The following FREM1 variants were observed in gnomAD, a reference collection of about 807,000 sequenced individuals.
The protein encoded by FREM1 is FRAS1-related extracellular matrix protein 1.
Under a neutral mutation model 210.1 loss-of-function variants are expected in FREM1, and 220 were observed. The observed-to-expected ratio is 1.05, with a 90% CI of 0.94 to 1.17. The LOEUF (loss-of-function observed/expected upper bound fraction) is 1.17. Ranked by LOEUF, FREM1 falls within the 50% of genes most tolerant of loss-of-function variation. The pLI, the probability that FREM1 is intolerant of heterozygous loss-of-function variation, is 0.00. For missense variants in FREM1, 3,454 were observed against 2,675.5 expected (o/e 1.29, Z -6.42); for synonymous variants, 1,189 against 980.2 (o/e 1.21, Z -3.98).
intron 10 of FREM1, 56 bp from the exon 11 acceptor site, chr9:14,825,048 A>T (rs954257577): frequency 8.4e-7 from 1 of 1,184,002 alleles, no homozygotes; most frequent in South Asian, 1.5e-5. Flanking sequence ...CAACAAAGAA[A>T]ATGCCCCACA....
chr9:14,742,408 G>A (rs866950850), intron 35 of FREM1, among the ~76,000 whole-genome samples: 1 of 152,136 alleles, frequency 6.6e-6, no homozygotes, highest in Non-Finnish European at 1.5e-5. Flanking sequence ...CTGAGGAAAT[G>A]AGCAGATGAG....
chr9:14,747,868 T>G (rs757680975), intron 31 of FREM1, 140 bp from the exon 32 acceptor site: 11 of 511,676 alleles, frequency 2.1e-5, no homozygotes, highest in Admixed American at 3.8e-5. Context: ...CACGCCCAAA[T>G]CATTGGAATT....
Position 14,868,890 on chromosome 9 carries a change from G to T in FREM1, c.88C>A (p.Arg30Ser). ...WASPTFISIN[R>S]GVRVMKGHSA... ...TGGCCCTTCATCACCCTCACCCCGC[G>T]GTTGATGCTGATGAAGGTGGGGCTG... The change falls in exon 2 of 37, where the codon CGC becomes AGC. Residue 30 changes from arginine (R) to serine (S), a missense_variant. Arg to Ser is a moderately radical substitution (Grantham distance 110). Transcript: ENST00000380880. The T allele has an allele frequency of 6.2e-7, 1 of 1,606,832 alleles. No homozygotes were observed. The highest frequency in any genetic ancestry group is 8.5e-7 in the Non-Finnish European group (1 of 1,176,802).
At position 14,755,086 on chromosome 9, in the gene FREM1, G is replaced by T. The variant is rs114172975; in HGVS notation, c.5407+1288C>A. Among the ~76,000 whole-genome samples, 1,078 of 152,286 alleles carry T rather than the reference G, an allele frequency of 7.1e-3. 16 individuals carry two copies. Among genetic ancestry groups the T allele is most frequent in the African/African-American group, 0.024 (1,016 of 41,572 alleles). On this transcript the variant is annotated intron_variant, in intron 29 of 36. Transcript: ENST00000380880. ...CACCGGAAGCATGGAAGAGAGGCAT[G>T]GAATCGATTCAGAAGTAATCCTTCA...
intron 35 of FREM1, among the ~76,000 whole-genome samples, chr9:14,742,901 G>C (rs1454269833): frequency 6.6e-6 from 1 of 152,064 alleles, no homozygotes; most frequent in African/African-American, 2.4e-5. Context: ...GTTTTAGAGA[G>C]TATAAGGATG....
intron 26 of FREM1, 67 bp from the exon 27 acceptor site, chr9:14,769,935 T>C: frequency 2.6e-6 from 2 of 761,206 alleles, no homozygotes; most frequent in Non-Finnish European, 4.1e-6. Flanking sequence ...CTAATAAAAT[T>C]GTATGGCTAT....
At chr9:14,831,886 C>T (rs943051159) in intron 10 of FREM1, among the ~76,000 whole-genome samples, 1 of 152,200 alleles carries the variant, frequency 6.6e-6, no homozygotes, top group African/African-American at 2.4e-5. Flanking sequence ...ATGTGCGGCA[C>T]ATTTAAGCGG....
chr9:14,757,212 T>C (rs924626290), intron 28 of FREM1, among the ~76,000 whole-genome samples: 2 of 152,242 alleles, frequency 1.3e-5, no homozygotes, highest in Admixed American at 6.5e-5. Flanking sequence ...TTTAGCGCTC[T>C]GAAGTCATGG....
intron 20 of FREM1, among the ~76,000 whole-genome samples, chr9:14,799,219 C>T (rs190810956): frequency 6.6e-6 from 1 of 151,568 alleles, no homozygotes; most frequent in East Asian, 2.0e-4. Context: ...CCTGGAAGTC[C>T]AGGCTGGAGT....
At chr9:14,833,850 T>C (rs763020211) in intron 10 of FREM1, among the ~76,000 whole-genome samples, 1 of 152,206 alleles carries the variant, frequency 6.6e-6, no homozygotes, top group African/African-American at 2.4e-5. Flanking sequence ...CCACTCTTAA[T>C]GCATGCCTGA....
At chr9:14,833,120 G>A (rs1347808724) in intron 10 of FREM1, among the ~76,000 whole-genome samples, 1 of 152,064 alleles carries the variant, frequency 6.6e-6, no homozygotes, top group Non-Finnish European at 1.5e-5. Context: ...CCTGGGTAAG[G>A]GCCACAAAAT....
At chr9:14,748,329 T>C (rs1227482250) in intron 31 of FREM1, 72 bp downstream of exon 31, 1 of 865,946 alleles carries the variant, frequency 1.2e-6, no homozygotes, top group African/African-American at 1.7e-5. Flanking sequence ...TGTTTCAGAA[T>C]ACTTATTAAT....
At chr9:14,784,332 T>A in intron 24 of FREM1, 38 bp downstream of exon 24, 2 of 1,589,366 alleles carry the variant, frequency 1.3e-6, no homozygotes, top group Non-Finnish European at 1.7e-6. Context: ...TAAGTATTAA[T>A]CCAAAGAAGG....
At chr9:14,861,740 CA>C (rs1319828764) in intron 3 of FREM1, among the ~76,000 whole-genome samples, 2 of 152,008 alleles carry the variant, frequency 1.3e-5, no homozygotes, top group Non-Finnish European at 2.9e-5. Flanking sequence ...CTCCTGACCT[CA>C]GGTGATCTGC....
At chr9:14,788,129 C>T (rs1375097736) in intron 23 of FREM1, among the ~76,000 whole-genome samples, 6 of 152,138 alleles carry the variant, frequency 3.9e-5, no homozygotes, top group African/African-American at 7.2e-5. Context: ...GTCAATCAAG[C>T]ATGTACTGAG....
chr9:14,766,291 T>C (rs1055468205), intron 27 of FREM1, among the ~76,000 whole-genome samples: 1 of 152,178 alleles, frequency 6.6e-6, no homozygotes, highest in Non-Finnish European at 1.5e-5. Context: ...ATCAGCATTA[T>C]AAAATAATTT....
chr9:14,898,936 C>T (rs989468665), intron 1 of FREM1, among the ~76,000 whole-genome samples: 2 of 152,086 alleles, frequency 1.3e-5, no homozygotes, highest in Non-Finnish European at 2.9e-5. Context: ...CTCAATTTTT[C>T]TATAAACCTA....
intron 13 of FREM1, among the ~76,000 whole-genome samples, chr9:14,819,649 C>T (rs1326523358): frequency 6.6e-6 from 1 of 152,114 alleles, no homozygotes; most frequent in African/African-American, 2.4e-5. Flanking sequence ...TAATGTGTTA[C>T]AAGGAAACAA....
At chr9:14,778,735 G>A (rs1849128199) in intron 24 of FREM1, among the ~76,000 whole-genome samples, 1 of 143,280 alleles carries the variant, frequency 7.0e-6, no homozygotes, top group African/African-American at 2.6e-5. Flanking sequence ...GAAGGGAAGG[G>A]AAGGGAAGGG....
Sources: allele counts gnomAD v4.1 joint callset (sites outside exome capture counted in the v4.1 genomes callset), GRCh38; gene constraint gnomAD v4.1.1; transcripts MANE v1.5; gene names NCBI Gene and HGNC (gene_info 2026-07-23, HGNC 2026-07-21).